SORCS2: variants seen among roughly 807,000 people sequenced by gnomAD.
The protein encoded by SORCS2 is sortilin related VPS10 domain containing receptor 2.
A neutral mutation model predicts 141.6 loss-of-function variants in SORCS2; 100 were observed. The ratio of observed to expected loss-of-function variants is 0.71; its 90% CI spans 0.60 to 0.83. The LOEUF (loss-of-function observed/expected upper bound fraction) is 0.83. SORCS2 is among the 40% of genes least tolerant of loss of function. The pLI is 0.00. For synonymous variants in SORCS2, 789 were observed against 676.9 expected (o/e 1.17, Z -2.57); for missense variants, 1,646 against 1,560.2 (o/e 1.05, Z -0.93).
chr4:7,347,420 T>G (rs1451578340), intron 1 of SORCS2, among the ~76,000 whole-genome samples: 1 of 152,218 alleles, frequency 6.6e-6, no homozygotes, highest in East Asian at 1.9e-4. Context: ...AAGCACCTAT[T>G]GTGTGCCAGG....
At chr4:7,657,183 T>C (rs1377543415) in intron 5 of SORCS2, among the ~76,000 whole-genome samples, 1 of 152,234 alleles carries the variant, frequency 6.6e-6, no homozygotes, top group East Asian at 1.9e-4. Flanking sequence ...GAGAAATGGC[T>C]GTGGGAAGTG....
intron 3 of SORCS2, among the ~76,000 whole-genome samples, chr4:7,617,333 A>G (rs554872603): frequency 2.6e-5 from 4 of 152,088 alleles, no homozygotes; most frequent in East Asian, 1.9e-4. Flanking sequence ...TCGTCTCTCC[A>G]TTGGTTATCC....
intron 2 of SORCS2, chr4:7,434,847 G>T: frequency 6.3e-7 from 1 of 1,587,302 alleles, no homozygotes; most frequent in Non-Finnish European, 8.6e-7. Flanking sequence ...TGGCCCCCAG[G>T]AGGCTGGGCA....
chr4:7,445,728 G>T (rs1727948980), intron 2 of SORCS2, among the ~76,000 whole-genome samples: 1 of 152,166 alleles, frequency 6.6e-6, no homozygotes, highest in Non-Finnish European at 1.5e-5. Flanking sequence ...CACCTGTCAG[G>T]CTGCCCTTTT....
At chr4:7,431,678 C>A (rs1170539732) in intron 2 of SORCS2, 1 of 152,264 alleles carries the variant, frequency 6.6e-6, no homozygotes, top group Non-Finnish European at 1.5e-5. Context: ...CAGGCACGAC[C>A]ACCACCCCTT....
intron 2 of SORCS2, among the ~76,000 whole-genome samples, chr4:7,484,449 G>A (rs1288788426): frequency 6.6e-6 from 1 of 152,198 alleles, no homozygotes; most frequent in Non-Finnish European, 1.5e-5. Flanking sequence ...GATCAAGGTG[G>A]TGTTGCCGTG....
At chr4:7,419,735 C>G (rs1725917462) in intron 2 of SORCS2, among the ~76,000 whole-genome samples, 1 of 152,204 alleles carries the variant, frequency 6.6e-6, no homozygotes, top group Non-Finnish European at 1.5e-5. Context: ...CTGCACTGGT[C>G]CAAGGACTTG....
At chr4:7,546,087 C>T (rs368822022) in intron 3 of SORCS2, among the ~76,000 whole-genome samples, 1 of 151,998 alleles carries the variant, frequency 6.6e-6, no homozygotes, top group African/African-American at 2.4e-5. Flanking sequence ...TCCCAAAGGT[C>T]CTGCCTCCAA....
intron 3 of SORCS2, among the ~76,000 whole-genome samples, chr4:7,546,367 C>A (rs914368977): frequency 1.3e-5 from 2 of 152,140 alleles, no homozygotes; most frequent in African/African-American, 2.4e-5. Context: ...GCTCAGCCTG[C>A]CCAGAGGGAG....
At chr4:7,488,105 A>T (rs1439331245) in intron 2 of SORCS2, among the ~76,000 whole-genome samples, 1 of 152,130 alleles carries the variant, frequency 6.6e-6, no homozygotes, top group African/African-American at 2.4e-5. Context: ...GAGGTTCGGA[A>T]ATTAAGGCAA....
intron 3 of SORCS2, among the ~76,000 whole-genome samples, chr4:7,602,876 A>G (rs1366523149): frequency 6.6e-6 from 1 of 152,246 alleles, no homozygotes; most frequent in African/African-American, 2.4e-5. Context: ...AACATTGAGC[A>G]CTGAGTGAGC....
At chr4:7,695,269 T>C (rs930305727) in intron 11 of SORCS2, among the ~76,000 whole-genome samples, 1 of 120,134 alleles carries the variant, frequency 8.3e-6, no homozygotes, top group African/African-American at 3.3e-5. Flanking sequence ...GATGGATGGG[T>C]GGGTGGATGG....
chr4:7,246,881 A>G (rs193217620), intron 1 of SORCS2, among the ~76,000 whole-genome samples: 2 of 152,258 alleles, frequency 1.3e-5, no homozygotes, highest in Non-Finnish European at 2.9e-5. Flanking sequence ...CCACCTCCCC[A>G]CAGCCTCCTG....
chr4:7,505,533 G>A (rs1732225311), intron 2 of SORCS2, among the ~76,000 whole-genome samples: 1 of 152,182 alleles, frequency 6.6e-6, no homozygotes, highest in Admixed American at 6.5e-5. Context: ...GGTGGCATTG[G>A]AGCCCTCTCA....
chr4:7,501,334 T>G (rs1452414801), intron 2 of SORCS2, among the ~76,000 whole-genome samples: 1 of 144,598 alleles, frequency 6.9e-6, no homozygotes, highest in Non-Finnish European at 1.5e-5. Context: ...TGTTCTTTCT[T>G]GGAGTGAAAA....
intron 1 of SORCS2, among the ~76,000 whole-genome samples, chr4:7,264,424 G>A (rs966826488): frequency 6.6e-6 from 1 of 152,132 alleles, no homozygotes; most frequent in Non-Finnish European, 1.5e-5. Context: ...CTGTCCCCTA[G>A]CTGGCCTGGC....
Position 7,740,324 on chromosome 4 carries a change from C to A in SORCS2, c.*60C>A. ...GGCACAGAACCACCAGCAAAGCCGG[C>A]GGCTGGACTGGCGCCCCTCAGAGAC... On this transcript the variant is annotated 3_prime_UTR_variant, in exon 27 of 27. Coordinates refer to ENST00000507866, the MANE Select transcript of SORCS2 (RefSeq NM_020777.3). 2.0e-6 allele frequency: 3 copies of A among 1,510,152 alleles called. No individual in the cohort carries two copies. The highest frequency in any genetic ancestry group is 2.3e-5 in the South Asian group (2 of 86,486). 93.5% of individuals were successfully genotyped at this position (1,510,152 alleles called of 1,614,324 possible). A position where few individuals can be genotyped will look rare whatever the true frequency, so the allele number is the denominator to read the frequency against.
intron 18 of SORCS2, among the ~76,000 whole-genome samples, chr4:7,722,160 C>T (rs1726630788): frequency 6.6e-6 from 1 of 152,206 alleles, no homozygotes; most frequent in Non-Finnish European, 1.5e-5. Flanking sequence ...GAGGTGGCGC[C>T]TCACCCAGGT....
intron 1 of SORCS2, among the ~76,000 whole-genome samples, chr4:7,241,771 C>G (rs942527947): frequency 6.6e-6 from 1 of 152,194 alleles, no homozygotes; most frequent in African/African-American, 2.4e-5. Context: ...GCCTCACATC[C>G]GTTTGCTGAA....
Sources: allele counts gnomAD v4.1 joint callset (sites outside exome capture counted in the v4.1 genomes callset), GRCh38; gene constraint gnomAD v4.1.1; transcripts MANE v1.5; gene names NCBI Gene and HGNC (gene_info 2026-07-23, HGNC 2026-07-21).